The following ALK variants were observed in gnomAD, a reference collection of about 807,000 sequenced individuals.
The protein encoded by ALK is ALK receptor tyrosine kinase.
A neutral mutation model predicts 163.1 loss-of-function variants in ALK; 74 were observed. That is an observed-to-expected ratio of 0.45 (90% CI 0.38 to 0.55). The LOEUF (loss-of-function observed/expected upper bound fraction) is 0.55, where lower values mean the gene tolerates loss of function less well. Among genes scored for constraint, ALK ranks in the 20% least tolerant of loss-of-function variants. The probability of loss-of-function intolerance (pLI) is 0.00; values close to 1 mark genes in which losing one functional copy is unlikely to be tolerated. For missense variants in ALK, 2,063 were observed against 2,105.3 expected (o/e 0.98, Z 0.39); for synonymous variants, 960 against 843.2 (o/e 1.14, Z -2.40).
At position 29,702,518 on chromosome 2, in the gene ALK, C is replaced by T. The variant is rs528374248; in HGVS notation, c.788-7504G>A. On this transcript the variant is annotated intron_variant, in intron 2 of 28. Coordinates refer to ENST00000389048, the MANE Select transcript of ALK (RefSeq NM_004304.5). ...CTAAGTCTGAATCTCAGTGGGTGTACGGCTCAGGAAGCCAAAGCCACAAGT... is the reference window on the plus strand; with the variant it reads ...CTAAGTCTGAATCTCAGTGGGTGTATGGCTCAGGAAGCCAAAGCCACAAGT... 1.5e-4 allele frequency among the ~76,000 whole-genome samples: 23 copies of T among 152,292 alleles called. 1 individual carries two copies. Among genetic ancestry groups the T allele is most frequent in the African/African-American group, 3.8e-4 (16 of 41,568 alleles).
chr2:29,388,776 T>C (rs1194830770), intron 4 of ALK, among the ~76,000 whole-genome samples: 1 of 152,134 alleles, frequency 6.6e-6, no homozygotes, highest in Non-Finnish European at 1.5e-5. Flanking sequence ...GAAAGGAATA[T>C]AGTAAAAGAG....
chr2:29,258,324 C>CT (rs561016904), intron 11 of ALK, among the ~76,000 whole-genome samples: 2 of 152,162 alleles, frequency 1.3e-5, no homozygotes, highest in South Asian at 4.1e-4. Context: ...TTATTGCTCT[C>CT]TTTTATCATG....
chr2:29,589,126 G>A (rs1275611790), intron 3 of ALK, among the ~76,000 whole-genome samples: 1 of 152,176 alleles, frequency 6.6e-6, no homozygotes, highest in Non-Finnish European at 1.5e-5. Flanking sequence ...GATGATAGGT[G>A]AGATGTATCA....
intron 1 of ALK, 125 bp from the exon 2 acceptor site, chr2:29,717,822 G>C: frequency 1.5e-6 from 2 of 1,343,490 alleles, no homozygotes; most frequent in Non-Finnish European, 2.1e-6. Flanking sequence ...GAAGATGAGG[G>C]GGAAAAAATT....
At chr2:29,281,246 G>A (rs1448749704) in intron 9 of ALK, among the ~76,000 whole-genome samples, 1 of 152,188 alleles carries the variant, frequency 6.6e-6, no homozygotes, top group African/African-American at 2.4e-5. Flanking sequence ...CCATCCTAGA[G>A]AACATAGTTA....
chr2:29,421,517 G>T (rs1481447149), intron 4 of ALK, among the ~76,000 whole-genome samples: 2 of 151,546 alleles, frequency 1.3e-5, no homozygotes, highest in African/African-American at 4.9e-5. Context: ...AAAGCCATTT[G>T]ATCTCTCTGA....
rs116049025 is a variant in ALK, at chr2:29,593,447, C to T, written c.953-61331G>A. On this transcript the variant is annotated intron_variant, in intron 3 of 28. Coordinates refer to ENST00000389048, the MANE Select transcript of ALK (RefSeq NM_004304.5). ...TCACCGGGATCACTACCTGACACTG[C>T]CTTAGAGACCCTGTCCCCTTTCATT... 7.8e-3 allele frequency among the ~76,000 whole-genome samples: 1,188 copies of T among 152,306 alleles called. 15 individuals are homozygous for T. The highest frequency in any genetic ancestry group is 0.028 in the African/African-American group (1,148 of 41,562).
At chr2:29,269,042 G>A (rs1665311113) in intron 11 of ALK, among the ~76,000 whole-genome samples, 2 of 152,304 alleles carry the variant, frequency 1.3e-5, no homozygotes, top group South Asian at 4.1e-4. Flanking sequence ...GAAGGGAGGT[G>A]CTTAGAGTGA....
intron 11 of ALK, among the ~76,000 whole-genome samples, chr2:29,271,447 G>A (rs2148212458): frequency 6.6e-6 from 1 of 152,354 alleles, no homozygotes; most frequent in South Asian, 2.1e-4. Context: ...GCAGTGCCAT[G>A]GGTTAATTGG....
At position 29,748,472 on chromosome 2, in the gene ALK, G is replaced by A. The variant is rs549284401; in HGVS notation, c.668-30775C>T. Among the ~76,000 whole-genome samples, 4 of 152,274 alleles carry A rather than the reference G, an allele frequency of 2.6e-5. 1 individual carries two copies. The South Asian group carries it at 8.3e-4, about 32-fold the overall frequency. On this transcript the variant is annotated intron_variant, in intron 1 of 28. Coordinates refer to ENST00000389048, the MANE Select transcript of ALK (RefSeq NM_004304.5). ...CAGGTTCTGATTAAGTGTCTGGGGT[G>A]GAGCCTAAAATTCTGCATCTCTAAC...
intron 1 of ALK, among the ~76,000 whole-genome samples, chr2:29,810,691 C>T (rs189030957): frequency 2.0e-4 from 31 of 152,198 alleles, no homozygotes; most frequent in African/African-American, 7.0e-4. Flanking sequence ...AAAGTGGCAA[C>T]CACAGGGCCT....
intron 9 of ALK, among the ~76,000 whole-genome samples, chr2:29,287,548 A>G (rs1003536142): frequency 2.6e-5 from 4 of 152,166 alleles, no homozygotes; most frequent in East Asian, 1.9e-4. Context: ...AAAAATCCCA[A>G]TGACTGAAAA....
chr2:29,563,584 T>A (rs748027925), intron 3 of ALK, among the ~76,000 whole-genome samples: 3 of 152,144 alleles, frequency 2.0e-5, no homozygotes, highest in Non-Finnish European at 2.9e-5. Flanking sequence ...TTTTGTAACA[T>A]ACAAACCAAG....
chr2:29,716,593 T>A (rs1445530698), intron 2 of ALK, among the ~76,000 whole-genome samples: 3 of 152,064 alleles, frequency 2.0e-5, no homozygotes, highest in Non-Finnish European at 4.4e-5. Context: ...GGGTAGGTGG[T>A]ACCTGGGAGA....
intron 4 of ALK, among the ~76,000 whole-genome samples, chr2:29,497,860 T>C (rs895559495): frequency 2.7e-4 from 41 of 152,300 alleles, no homozygotes; most frequent in African/African-American, 9.9e-4. Flanking sequence ...ATGAAATGAT[T>C]ATTGCTCTCC....
At chr2:29,600,654 G>A (rs1352620651) in intron 3 of ALK, among the ~76,000 whole-genome samples, 2 of 152,202 alleles carry the variant, frequency 1.3e-5, no homozygotes, top group East Asian at 1.9e-4. Context: ...GTACAGTGTC[G>A]ATTGCATGGT....
intron 4 of ALK, among the ~76,000 whole-genome samples, chr2:29,520,049 A>T (rs1448836016): frequency 6.6e-6 from 1 of 152,226 alleles, no homozygotes; most frequent in Non-Finnish European, 1.5e-5. Context: ...AGAAGTCCTG[A>T]CTGGAAGAAC....
intron 1 of ALK, among the ~76,000 whole-genome samples, chr2:29,867,137 T>C (rs537906415): frequency 1.1e-4 from 16 of 152,302 alleles, no homozygotes; most frequent in Non-Finnish European, 1.9e-4. Context: ...GGCACAACAG[T>C]AGAATGTTAG....
In ALK at chr2:29,649,244, A is replaced by AGAGAG. The variant is rs761848685; in HGVS notation, c.952+45605_952+45606insCTCTC. 2.1e-3 allele frequency among the ~76,000 whole-genome samples: 231 copies of AGAGAG among 112,204 alleles called. 1 individual carries two copies. The highest frequency in any genetic ancestry group is 8.8e-3 in the African/African-American group (219 of 24,776). 73.6% of individuals were successfully genotyped at this position (112,204 alleles called of 152,430 possible). ...AGAGAGAGAGAGAGAGAGAGAGAGA[A>AGAGAG]AGTGCGTGCGTGTGTGTGTGTGTGA... On this transcript the variant is annotated intron_variant, in intron 3 of 28. Coordinates refer to ENST00000389048, the MANE Select transcript of ALK (RefSeq NM_004304.5).
Sources: gnomAD v4.1 joint callset for allele counts (sites outside exome capture counted in the v4.1 genomes callset) on GRCh38, gnomAD v4.1.1 for gene constraint, MANE v1.5 for transcripts, NCBI Gene and HGNC (gene_info 2026-07-23, HGNC 2026-07-21) for gene names.